The following SNX29 variants were observed in gnomAD, a reference collection of about 807,000 sequenced individuals.
The protein encoded by SNX29 is sorting nexin-29.
In SNX29, 78 loss-of-function variants were observed where a neutral mutation model predicts 102.1. That is an observed-to-expected ratio of 0.76 (90% CI 0.64 to 0.92). The LOEUF (loss-of-function observed/expected upper bound fraction) is 0.92. SNX29 is among the 40% of genes least tolerant of loss of function. SNX29 has a pLI of 0.00. For missense variants in SNX29, 1,280 were observed against 1,061.7 expected (o/e 1.21, Z -2.86); for synonymous variants, 580 against 414.5 (o/e 1.40, Z -4.85).
At chr16:12,526,941 T>G in intron 20 of SNX29, 1 of 391,510 alleles carries the variant, frequency 2.6e-6, no homozygotes, top group South Asian at 2.7e-5. Flanking sequence ...AGAAACCTTT[T>G]GTGCCTAATT....
intron 13 of SNX29, among the ~76,000 whole-genome samples, chr16:12,181,167 C>T (rs769210927): frequency 1.2e-4 from 18 of 152,150 alleles, no homozygotes; most frequent in Non-Finnish European, 1.8e-4. Context: ...TGGCCCACCA[C>T]GCTTTTATGA....
intron 20 of SNX29, chr16:12,560,807 G>C (rs1287063192): frequency 5.6e-6 from 1 of 178,734 alleles, no homozygotes; most frequent in African/African-American, 2.4e-5. Context: ...GATTAGGATG[G>C]TAATTACAGC....
At chr16:12,141,870 C>T (rs979856595) in intron 13 of SNX29, among the ~76,000 whole-genome samples, 5 of 152,186 alleles carry the variant, frequency 3.3e-5, no homozygotes, top group Admixed American at 6.5e-5. Flanking sequence ...CACCAGTCCT[C>T]CTGACCTCCC....
At chr16:12,365,460 C>A (rs1309740567) in intron 16 of SNX29, among the ~76,000 whole-genome samples, 1 of 151,212 alleles carries the variant, frequency 6.6e-6, no homozygotes, top group Non-Finnish European at 1.5e-5. Context: ...GAGGCCGAGG[C>A]AGGAGGATCA....
chr16:12,551,231 C>G (rs550747066), intron 20 of SNX29, among the ~76,000 whole-genome samples: 13 of 152,228 alleles, frequency 8.5e-5, no homozygotes, highest in African/African-American at 2.2e-4. Flanking sequence ...TTGCCATCTT[C>G]TGAGGACAGT....
chr16:12,385,886 G>T (rs2083323695), intron 16 of SNX29, among the ~76,000 whole-genome samples: 1 of 152,220 alleles, frequency 6.6e-6, no homozygotes, highest in Non-Finnish European at 1.5e-5. Context: ...GGGATGTGCA[G>T]CCTCCTGGGC....
chr16:12,285,778 C>A (rs1419453044), intron 15 of SNX29, among the ~76,000 whole-genome samples: 2 of 148,730 alleles, frequency 1.3e-5, no homozygotes, highest in Non-Finnish European at 3.0e-5. Context: ...TATAAGGACT[C>A]AGGATAAAAA....
At position 12,571,854 on chromosome 16, in the gene SNX29, G is replaced by A. The variant is rs960996542; in HGVS notation, c.*3225G>A. 9.4e-7 allele frequency: 1 copy of A among 1,059,914 alleles called. No individual in the cohort carries two copies. The highest frequency in any genetic ancestry group is 4.6e-5 in the South Asian group (1 of 21,936). The allele number at this position is 1,059,914 out of a possible 1,614,324, so 65.7% of individuals were successfully genotyped here. On this transcript the variant is annotated 3_prime_UTR_variant, in exon 21 of 21. Coordinates refer to ENST00000566228, the MANE Select transcript of SNX29 (RefSeq NM_032167.5). ...CTTAGCAGTATGCTCCAATCACGTT[G>A]CTGGCAAGGCATTTTAGAGTTTGGA...
rs1210063208 is a variant in SNX29 at position 12,557,020 on chromosome 16, C to A, written c.2319-11486C>A. On this transcript the variant is annotated intron_variant, in intron 20 of 20. Transcript: ENST00000566228. The stretch of plus-strand genomic sequence containing the variant: ...ACACCACATCTGGCTAATTTACCCC[C>A]CCCCCGCCCCAAGATGAGGTCTTGC... Among the ~76,000 whole-genome samples, 12 of 37,206 alleles carry A rather than the reference C, an allele frequency of 3.2e-4. 2 individuals carry two copies. Among genetic ancestry groups the A allele is most frequent in the South Asian group, 8.9e-4 (1 of 1,120 alleles). The allele number at this position is 37,206 out of a possible 152,430, so 24.4% of individuals were successfully genotyped here.
At chr16:12,133,248 C>T (rs2141442282) in intron 13 of SNX29, among the ~76,000 whole-genome samples, 1 of 137,420 alleles carries the variant, frequency 7.3e-6, no homozygotes, top group Middle Eastern at 4.2e-3. Flanking sequence ...GGATGAATTA[C>T]TTAACTTCTC....
chr16:12,355,044 T>A (rs1318093092), intron 15 of SNX29, among the ~76,000 whole-genome samples: 1 of 152,192 alleles, frequency 6.6e-6, no homozygotes, highest in Non-Finnish European at 1.5e-5. Context: ...TATTTCATGT[T>A]GATTGCACAG....
intron 14 of SNX29, among the ~76,000 whole-genome samples, chr16:12,245,501 T>C (rs950536595): frequency 6.6e-6 from 1 of 151,866 alleles, no homozygotes; most frequent in African/African-American, 2.4e-5. Context: ...TTTTGTAATG[T>C]AGGAGATGCT....
At chr16:12,457,933 T>C (rs2086609564) in intron 18 of SNX29, among the ~76,000 whole-genome samples, 1 of 152,318 alleles carries the variant, frequency 6.6e-6, no homozygotes, top group South Asian at 2.1e-4. Flanking sequence ...TCTTTAAACA[T>C]ACATTAGAGA....
chr16:12,302,204 G>A (rs2080194579), intron 15 of SNX29, among the ~76,000 whole-genome samples: 1 of 152,196 alleles, frequency 6.6e-6, no homozygotes, highest in South Asian at 2.1e-4. Context: ...CTCCGTCAAA[G>A]CGGCATGGAA....
At chr16:12,406,131 A>G (rs2151523488) in intron 18 of SNX29, among the ~76,000 whole-genome samples, 1 of 152,336 alleles carries the variant, frequency 6.6e-6, no homozygotes, top group South Asian at 2.1e-4. Flanking sequence ...GGTTAAAAAA[A>G]ATACATCAGG....
At chr16:12,085,157 G>C (rs116921178) in intron 11 of SNX29, among the ~76,000 whole-genome samples, 1 of 151,964 alleles carries the variant, frequency 6.6e-6, no homozygotes, top group Non-Finnish European at 1.5e-5. Flanking sequence ...GAAGTCACCC[G>C]CATGGCCAGT....
chr16:12,398,330 C>G, intron 16 of SNX29, 116 bp from the exon 17 acceptor site: 1 of 1,144,874 alleles, frequency 8.7e-7, no homozygotes, highest in South Asian at 1.3e-5. Context: ...TTTTTCACTT[C>G]ATTCTGAATA....
chr16:12,061,274 A>C (rs1465701064), intron 8 of SNX29, among the ~76,000 whole-genome samples: 1 of 152,180 alleles, frequency 6.6e-6, no homozygotes, highest in Non-Finnish European at 1.5e-5. Context: ...AACAGTATTC[A>C]CTGGCTCTTT....
In SNX29 at chr16:12,461,060, G is replaced by A. The variant is rs1280330582; in HGVS notation, c.2038-16659G>A. 2.6e-5 allele frequency among the ~76,000 whole-genome samples: 4 copies of A among 152,208 alleles called. No individual in the cohort carries two copies. The East Asian group carries it at 7.7e-4, about 29-fold the overall frequency. ...TCAAACACAGTCCTAGAAGTTAGAT[G>A]CGATAATTGCCCACATTTTACATTA... On this transcript the variant is annotated intron_variant, in intron 18 of 20. Transcript: ENST00000566228.
Sources: allele counts gnomAD v4.1 joint callset (sites outside exome capture counted in the v4.1 genomes callset), GRCh38; gene constraint gnomAD v4.1.1; transcripts MANE v1.5; gene names NCBI Gene and HGNC (gene_info 2026-07-23, HGNC 2026-07-21).